The following TP53BP1 variants were observed in gnomAD, a reference collection of about 807,000 sequenced individuals.
TP53BP1 encodes TP53-binding protein 1.
In TP53BP1, 61 loss-of-function variants were observed where a neutral mutation model predicts 200.8. That is an observed-to-expected ratio of 0.30 (90% CI 0.25 to 0.38). The LOEUF is 0.38. Ranked by LOEUF, TP53BP1 falls within the 10% of genes least tolerant of loss-of-function variation. The pLI is 1.00. For missense variants in TP53BP1, 2,144 were observed against 2,371.9 expected (o/e 0.90, Z 2.00); for synonymous variants, 822 against 844.3 (o/e 0.97, Z 0.46).
intron 8 of TP53BP1, among the ~76,000 whole-genome samples, chr15:43,475,898 T>C (rs893939929): frequency 6.6e-6 from 1 of 152,214 alleles, no homozygotes; most frequent in Non-Finnish European, 1.5e-5. Context: ...ACCCCCGCAA[T>C]GGGCTTCTTG....
At chr15:43,464,696 G>A (rs1359108487) in intron 11 of TP53BP1, among the ~76,000 whole-genome samples, 2 of 151,928 alleles carry the variant, frequency 1.3e-5, no homozygotes, top group East Asian at 1.9e-4. Context: ...CTGAGGTCGG[G>A]AGTTCAAGAC....
Position 43,420,652 on chromosome 15 carries a change from A to G in TP53BP1, c.4334T>C (p.Val1445Ala), listed in dbSNP as rs980746835. The G allele has an allele frequency of 6.2e-7, 1 of 1,614,110 alleles. No individual in the cohort carries two copies. Among genetic ancestry groups the G allele is most frequent in the African/African-American group, 1.3e-5 (1 of 74,936 alleles). The change falls in exon 21 of 28, where the codon GTG becomes GCG. Residue 1445 changes from valine to alanine, a missense_variant. By Grantham distance (64) the Val-to-Ala change is moderately conservative (BLOSUM62 0). Coordinates refer to ENST00000382044, the MANE Select transcript of TP53BP1 (RefSeq NM_001141980.3). ...TCTGGTGGAGTCTGGCACTCGGGGC[A>G]CGACACGGCTGAAGGATTTATCATC... The part of the protein sequence containing the change: ...SPDDKSFSRV[V>A]PRVPDSTRRT...
chr15:43,444,905 C>T (rs1282215078), intron 14 of TP53BP1, among the ~76,000 whole-genome samples: 1 of 152,086 alleles, frequency 6.6e-6, no homozygotes, highest in Non-Finnish European at 1.5e-5. Flanking sequence ...TTCCTTAACC[C>T]ATTTATGCTG....
rs931783645 is a variant in TP53BP1, at chr15:43,475,449, A to G, written c.1085+116T>C. The stretch of plus-strand genomic sequence containing the variant: ...CCCAAAGCTCTAATGCATAGGTTCT[A>G]CCATTTGGTTTCAAAAAGAATTCTA... On this transcript the variant is annotated intron_variant, in intron 9 of 27. Transcript: ENST00000382044. 14 of 1,216,564 alleles carry G rather than the reference A, an allele frequency of 1.2e-5. No individual in the cohort carries two copies. In the Admixed American group the frequency reaches 1.3e-4, roughly 11 times the overall value. 75.4% of individuals were successfully genotyped at this position (1,216,564 alleles called of 1,614,324 possible).
At chr15:43,473,023 G>A (rs1355976007) in intron 10 of TP53BP1, among the ~76,000 whole-genome samples, 2 of 152,098 alleles carry the variant, frequency 1.3e-5, no homozygotes, top group Non-Finnish European at 2.9e-5. Flanking sequence ...GCTGGTTCAG[G>A]AGTGAAGCTG....
At chr15:43,509,126 T>C (rs550409692) in intron 1 of TP53BP1, among the ~76,000 whole-genome samples, 2 of 135,206 alleles carry the variant, frequency 1.5e-5, no homozygotes, top group African/African-American at 2.8e-5. Flanking sequence ...GTACTCTTAC[T>C]GATTGCAGAA....
chr15:43,407,922 T>A lies in TP53BP1; in HGVS notation c.5746+21A>T, dbSNP rs45538744. 6.4e-4 allele frequency: 1,022 copies of A among 1,605,152 alleles called. 8 individuals are homozygous for A. The African/African-American group carries it at 0.012, about 19-fold the overall frequency. ...AAGGAGATCCCTGGAACAAAGACAC[T>A]ACACACACTCTTTCAGGTACCTTTG... On this transcript the variant is annotated intron_variant, in intron 27 of 27. Transcript: ENST00000382044.
intron 1 of TP53BP1, 85 bp downstream of exon 1, chr15:43,492,952 C>T: frequency 3.8e-6 from 6 of 1,577,142 alleles, no homozygotes; most frequent in Non-Finnish European, 5.2e-6. Flanking sequence ...GCTTGCCACC[C>T]CGCCCCCTCC....
At chr15:43,471,061 C>T (rs530947000) in intron 10 of TP53BP1, among the ~76,000 whole-genome samples, 8 of 152,092 alleles carry the variant, frequency 5.3e-5, no homozygotes, top group Non-Finnish European at 7.3e-5. Context: ...CATTAAAAAC[C>T]TGCTGTTATA....
At chr15:43,497,167 G>C (rs1337486990), upstream of TP53BP1, among the ~76,000 whole-genome samples, 1 of 152,200 alleles carries the variant, frequency 6.6e-6, no homozygotes, top group Non-Finnish European at 1.5e-5. Context: ...GCCAAGGCAG[G>C]CTGATTGCTT....
At chr15:43,429,358 A>AT (rs1195467283) in intron 17 of TP53BP1, among the ~76,000 whole-genome samples, 2 of 151,994 alleles carry the variant, frequency 1.3e-5, no homozygotes, top group African/African-American at 2.4e-5. Flanking sequence ...ACTATATCAC[A>AT]TTTTTTCACA....
intron 4 of TP53BP1, among the ~76,000 whole-genome samples, chr15:43,481,991 G>A (rs2140129181): frequency 6.6e-6 from 1 of 151,888 alleles, no homozygotes; most frequent in South Asian, 2.1e-4. Context: ...ACTTTGGGAG[G>A]CCAAGGAGGG....
intron 16 of TP53BP1, among the ~76,000 whole-genome samples, chr15:43,433,311 G>A (rs1361472588): frequency 6.6e-6 from 1 of 152,000 alleles, no homozygotes; most frequent in Non-Finnish European, 1.5e-5. Flanking sequence ...TTTTTCATAA[G>A]TCATCCCATT....
At chr15:43,486,328 A>G (rs1287051088) in intron 4 of TP53BP1, among the ~76,000 whole-genome samples, 2 of 152,326 alleles carry the variant, frequency 1.3e-5, no homozygotes, top group East Asian at 1.9e-4. Context: ...GTGAGCCAAG[A>G]TCATGCCATT....
chr15:43,457,995 G>T (rs954194197), intron 11 of TP53BP1, among the ~76,000 whole-genome samples: 1 of 151,894 alleles, frequency 6.6e-6, no homozygotes, highest in Non-Finnish European at 1.5e-5. Flanking sequence ...CTCCAGTCTG[G>T]ATTACAGAGC....
At chr15:43,469,540 G>C (rs1040033942) in intron 11 of TP53BP1, among the ~76,000 whole-genome samples, 1 of 152,070 alleles carries the variant, frequency 6.6e-6, no homozygotes, top group Non-Finnish European at 1.5e-5. Context: ...TAAGCATGTA[G>C]AAAGACAAAA....
At chr15:43,478,864 A>C (rs1292163730) in intron 7 of TP53BP1, among the ~76,000 whole-genome samples, 1 of 152,214 alleles carries the variant, frequency 6.6e-6, no homozygotes, top group Non-Finnish European at 1.5e-5. Flanking sequence ...ATCACAAAGG[A>C]GGAGTGGCAA....
rs1187051541 is a variant in TP53BP1 at position 43,446,765 on chromosome 15, C to G, written c.2837-175G>C. The G allele has an allele frequency of 8.6e-6, 13 of 1,511,250 alleles. No homozygotes were observed. In the East Asian group the frequency reaches 3.0e-4, roughly 35 times the overall value. 93.6% of individuals were successfully genotyped at this position (1,511,250 alleles called of 1,614,324 possible). ...CAACAACTACGAACTAGTATTGACA[C>G]CTGGTCTTAAGAGGAGCAACAGGAT... On this transcript the variant is annotated intron_variant, in intron 13 of 27. Coordinates refer to ENST00000382044, the MANE Select transcript of TP53BP1 (RefSeq NM_001141980.3).
At chr15:43,410,833 C>T (rs1417866206) in intron 24 of TP53BP1, among the ~76,000 whole-genome samples, 1 of 152,164 alleles carries the variant, frequency 6.6e-6, no homozygotes, top group Non-Finnish European at 1.5e-5. Flanking sequence ...TCTCCATCTC[C>T]ACTTAGTTCT....
Sources: gnomAD v4.1 joint callset for allele counts (sites outside exome capture counted in the v4.1 genomes callset) on GRCh38, gnomAD v4.1.1 for gene constraint, MANE v1.5 for transcripts, NCBI Gene and HGNC (gene_info 2026-07-23, HGNC 2026-07-21) for gene names.